ENO1: variants seen among roughly 807,000 people sequenced by gnomAD.
ENO1 encodes enolase 1.
In ENO1, 33 loss-of-function variants were observed where a neutral mutation model predicts 46.3. The ratio of observed to expected loss-of-function variants is 0.71; its 90% CI spans 0.54 to 0.95. The LOEUF is 0.95. Among genes scored for constraint, ENO1 ranks in the 40% least tolerant of loss-of-function variants. ENO1 has a pLI of 0.00. For missense variants in ENO1, 488 were observed against 553.3 expected (o/e 0.88, Z 1.18); for synonymous variants, 220 against 216.0 (o/e 1.02, Z -0.16).
intron 1 of ENO1, among the ~76,000 whole-genome samples, chr1:8,875,488 A>T (rs1052785085): frequency 6.6e-6 from 1 of 152,226 alleles, no homozygotes; most frequent in African/African-American, 2.4e-5. Flanking sequence ...AAGAACAGAC[A>T]TGAAGGTCAC....
intron 5 of ENO1, among the ~76,000 whole-genome samples, chr1:8,867,777 G>A (rs553407272): frequency 8.5e-5 from 13 of 152,236 alleles, no homozygotes; most frequent in Non-Finnish European, 1.5e-4. Context: ...TGATCCACCT[G>A]CCTCAGCCTC....
chr1:8,874,652 T>C (rs934815345), intron 2 of ENO1, among the ~76,000 whole-genome samples, 172 bp downstream of exon 2: 1 of 145,402 alleles, frequency 6.9e-6, no homozygotes, highest in African/African-American at 2.6e-5. Context: ...ACTGGCTCCA[T>C]GCCTAAAAAT....
chr1:8,865,886 G>A (rs546621537), intron 7 of ENO1: 37 of 326,112 alleles, frequency 1.1e-4, no homozygotes, highest in African/African-American at 6.9e-4. Context: ...GGATCCTCCC[G>A]CCAGGCTGTG....
chr1:8,876,167 A>G (rs1642728191), intron 1 of ENO1: 2 of 152,200 alleles, frequency 1.3e-5, no homozygotes, highest in African/African-American at 4.8e-5. Context: ...GAGGTGGGTG[A>G]GAGGAACTTA....
intron 2 of ENO1, among the ~76,000 whole-genome samples, chr1:8,872,976 G>T (rs932538758): frequency 1.3e-5 from 2 of 152,192 alleles, no homozygotes; most frequent in Non-Finnish European, 2.9e-5. Context: ...AGAACAGATG[G>T]TGTCAAGGAA....
intron 2 of ENO1, among the ~76,000 whole-genome samples, chr1:8,874,594 A>AAG (rs1557587496): frequency 7.3e-5 from 11 of 149,982 alleles, no homozygotes; most frequent in African/African-American, 2.7e-4. Context: ...AAAAAAAAAA[A>AAG]AAAAAAGAAA....
chr1:8,872,378 G>T (rs996645073), intron 2 of ENO1, among the ~76,000 whole-genome samples: 2 of 112,424 alleles, frequency 1.8e-5, no homozygotes, highest in Admixed American at 1.0e-4. Context: ...CATTGAAGAC[G>T]TTCTGGTACT....
Position 8,861,439 on chromosome 1 carries a change from G to C in ENO1, c.1236-10C>G. 1.2e-6 allele frequency: 2 copies of C among 1,614,018 alleles called. No individual in the cohort carries two copies. The highest frequency in any genetic ancestry group is 1.7e-6 in the Non-Finnish European group (2 of 1,180,006). On this transcript the variant is annotated splice_polypyrimidine_tract_variant and intron_variant, in intron 11 of 11. Transcript: ENST00000234590. ...CAGCTCCTCTTCAATTCTTGGGAAGGAGAAAGGTAAAGAGATGGGGAGGAA... is the reference window on the plus strand; with the variant it reads ...CAGCTCCTCTTCAATTCTTGGGAAGCAGAAAGGTAAAGAGATGGGGAGGAA...
chr1:8,868,388 C>G (rs1642567353), intron 4 of ENO1, among the ~76,000 whole-genome samples: 1 of 152,112 alleles, frequency 6.6e-6, no homozygotes, highest in African/African-American at 2.4e-5. Context: ...GCTATGTAGA[C>G]CACTGCTACC....
In ENO1 at chr1:8,871,970, A is replaced by G. The variant is rs755003268; in HGVS notation, c.102T>C (p.Ala34=). The change falls in exon 3 of 12, where the codon GCT becomes GCC. Residue 34 remains alanine (A), a synonymous_variant. Coordinates refer to ENST00000234590, the MANE Select transcript of ENO1 (RefSeq NM_001428.5). ...TACCAGTTGAAGCACCACTGGGCAC[A>G]GCAGCTCTGAAGAGACCTGGATGAG... ...LFTSKGLFRA[A]VPSGASTGIY... 6.2e-7 allele frequency: 1 copy of G among 1,614,166 alleles called. No homozygotes were observed. Among genetic ancestry groups the G allele is most frequent in the Non-Finnish European group, 8.5e-7 (1 of 1,179,996 alleles).
At chr1:8,877,093 G>T (rs1017339871) in intron 1 of ENO1, among the ~76,000 whole-genome samples, 21 of 152,098 alleles carry the variant, frequency 1.4e-4, no homozygotes, top group African/African-American at 5.1e-4. Context: ...GAGTAGCTGG[G>T]ACTACAGGCG....
intron 6 of ENO1, 119 bp downstream of exon 6, chr1:8,866,998 C>G (rs1642531746): frequency 1.4e-6 from 2 of 1,437,788 alleles, no homozygotes; most frequent in African/African-American, 1.4e-5. Flanking sequence ...TAACAAGGGG[C>G]AGAGCTGTGC....
rs1415344449 is a variant in ENO1, at chr1:8,866,454, G to C, written c.492C>G (p.Ala164=). ...CTGGGAGGATCATGAACTCCTGCATGGCCAGCTTGTTGCCAGCATGAGAAC... is the reference window on the plus strand; with the variant it reads ...CTGGGAGGATCATGAACTCCTGCATCGCCAGCTTGTTGCCAGCATGAGAAC... The part of the protein sequence containing the change: ...NGGSHAGNKL[A]MQEFMILPVG... The change falls in exon 7 of 12, where the codon GCC becomes GCG. Residue 164 remains alanine (A), a synonymous_variant. Coordinates refer to ENST00000234590, the MANE Select transcript of ENO1 (RefSeq NM_001428.5). 1 of 1,614,214 alleles carries C rather than the reference G, an allele frequency of 6.2e-7. No individual in the cohort carries two copies. Among genetic ancestry groups the C allele is most frequent in the South Asian group, 1.1e-5 (1 of 91,086 alleles).
intron 10 of ENO1, 88 bp from the exon 11 acceptor site, chr1:8,863,033 T>A: frequency 6.5e-7 from 1 of 1,528,028 alleles, no homozygotes; most frequent in Non-Finnish European, 9.0e-7. Context: ...AGAGAGAGAA[T>A]TTCTAGAGGA....
chr1:8,863,827 A>G, intron 9 of ENO1, 64 bp downstream of exon 9: 1 of 1,556,526 alleles, frequency 6.4e-7, no homozygotes, highest in Non-Finnish European at 8.9e-7. Flanking sequence ...CCAGAACAAA[A>G]GGGCCCTTTT....
In ENO1 at chr1:8,861,438, G is replaced by A. The variant is rs1569889934; in HGVS notation, c.1236-9C>T. On this transcript the variant is annotated splice_polypyrimidine_tract_variant and intron_variant, in intron 11 of 11. Transcript: ENST00000234590. ...CCAGCTCCTCTTCAATTCTTGGGAAGGAGAAAGGTAAAGAGATGGGGAGGA... is the reference window on the plus strand; with the variant it reads ...CCAGCTCCTCTTCAATTCTTGGGAAAGAGAAAGGTAAAGAGATGGGGAGGA... The A allele has an allele frequency of 1.2e-6, 2 of 1,614,006 alleles. No individual in the cohort carries two copies. Among genetic ancestry groups the A allele is most frequent in the Non-Finnish European group, 1.7e-6 (2 of 1,179,992 alleles).
chr1:8,861,103 A>G lies in ENO1; in HGVS notation c.*257T>C, dbSNP rs1642392717. ...ACACGAGGCTCACATGACTCTAGAC[A>G]CTTGGTGGAAAGTGAGGCGAGAAAA... On this transcript the variant is annotated 3_prime_UTR_variant, in exon 12 of 12. Coordinates refer to ENST00000234590, the MANE Select transcript of ENO1 (RefSeq NM_001428.5). The G allele has an allele frequency of 2.1e-6, 1 of 475,300 alleles. No individual in the cohort carries two copies. The highest frequency in any genetic ancestry group is 3.8e-6 in the Non-Finnish European group (1 of 263,270). The allele number at this position is 475,300 out of a possible 1,614,324, so 29.4% of individuals were successfully genotyped here.
intron 2 of ENO1, among the ~76,000 whole-genome samples, chr1:8,874,475 G>A (rs553859312): frequency 6.7e-6 from 1 of 149,244 alleles, no homozygotes; most frequent in East Asian, 2.0e-4. Context: ...CTACTTGGGA[G>A]GCTGAGACAG....
chr1:8,863,039 G>C, intron 10 of ENO1, 94 bp from the exon 11 acceptor site: 1 of 1,511,562 alleles, frequency 6.6e-7, no homozygotes, highest in Non-Finnish European at 9.1e-7. Flanking sequence ...AGAATTTCTA[G>C]AGGATCTGAT....
Sources: gnomAD v4.1 joint callset for allele counts (sites outside exome capture counted in the v4.1 genomes callset) on GRCh38, gnomAD v4.1.1 for gene constraint, MANE v1.5 for transcripts, NCBI Gene and HGNC (gene_info 2026-07-23, HGNC 2026-07-21) for gene names.